SCN3A: variants seen among roughly 807,000 people sequenced by gnomAD.
SCN3A encodes the protein sodium channel protein type 3 subunit alpha.
In SCN3A, 60 loss-of-function variants were observed where a neutral mutation model predicts 187.6. The observed-to-expected ratio is 0.32, with a 90% CI of 0.26 to 0.40. The LOEUF (loss-of-function observed/expected upper bound fraction) is 0.40, where lower values mean the gene tolerates loss of function less well. Ranked by LOEUF, SCN3A falls within the 10% of genes least tolerant of loss-of-function variation. SCN3A has a pLI of 1.00. For synonymous variants in SCN3A, 788 were observed against 829.2 expected (o/e 0.95, Z 0.85); for missense variants, 1,601 against 2,428.2 (o/e 0.66, Z 7.16).
chr2:165,180,748 G>A (rs566144959), intron 2 of SCN3A, among the ~76,000 whole-genome samples: 2 of 152,224 alleles, frequency 1.3e-5, no homozygotes, highest in South Asian at 2.1e-4. Flanking sequence ...TACTACACAC[G>A]AAAGTATGCC....
chr2:165,159,959 G>C (rs985333416), intron 9 of SCN3A, among the ~76,000 whole-genome samples: 1 of 127,620 alleles, frequency 7.8e-6, no homozygotes, highest in African/African-American at 3.4e-5. Flanking sequence ...GTGAAACCTG[G>C]TATCTATTAA....
intron 22 of SCN3A, among the ~76,000 whole-genome samples, chr2:165,099,945 T>C (rs773044929): frequency 2.0e-5 from 3 of 152,172 alleles, no homozygotes; most frequent in East Asian, 1.9e-4. Flanking sequence ...AATCAAACTA[T>C]TGAGAGAAAG....
chr2:165,180,423 GGA>G (rs1027235615), intron 2 of SCN3A, among the ~76,000 whole-genome samples: 2 of 152,130 alleles, frequency 1.3e-5, no homozygotes, highest in African/African-American at 4.8e-5. Flanking sequence ...CCCAGGGAAG[GGA>G]GAGAGAGGTA....
At chr2:165,177,288 C>G (rs904415040) in intron 2 of SCN3A, among the ~76,000 whole-genome samples, 2 of 152,124 alleles carry the variant, frequency 1.3e-5, no homozygotes, top group African/African-American at 4.8e-5. Context: ...ACTGTCCGTT[C>G]TAAACCCTGG....
chr2:165,198,991 C>G (rs1212014948), intron 1 of SCN3A, among the ~76,000 whole-genome samples: 3 of 151,910 alleles, frequency 2.0e-5, no homozygotes, highest in Non-Finnish European at 4.4e-5. Context: ...GACTCTAGAC[C>G]AGAAGCGCAA....
At chr2:165,156,942 G>A (rs1360271497) in intron 9 of SCN3A, among the ~76,000 whole-genome samples, 4 of 151,592 alleles carry the variant, frequency 2.6e-5, no homozygotes, top group South Asian at 2.1e-4. Context: ...ATGTAGTCTC[G>A]TTCTGTCGCC....
rs1422727169 is a variant in SCN3A at position 165,134,507 on chromosome 2, C to T, written c.2392-3090G>A. 2.0e-5 allele frequency among the ~76,000 whole-genome samples: 3 copies of T among 152,030 alleles called. No individual in the cohort carries two copies. In the East Asian group the frequency reaches 5.8e-4, roughly 29 times the overall value. On this transcript the variant is annotated intron_variant, in intron 15 of 27. Coordinates refer to ENST00000283254, the MANE Select transcript of SCN3A (RefSeq NM_006922.4). ...CAGCTAACACTTCATTTTTTCCAAT[C>T]ACAGATGGGAAATACCCATCACAGA...
chr2:165,174,715 G>A (rs1319656537), intron 3 of SCN3A, among the ~76,000 whole-genome samples: 1 of 151,592 alleles, frequency 6.6e-6, no homozygotes, highest in Non-Finnish European at 1.5e-5. Context: ...TTTCTTGGGG[G>A]GTGACTTATT....
At chr2:165,110,577 C>T (rs1686065612) in intron 21 of SCN3A, among the ~76,000 whole-genome samples, 1 of 152,024 alleles carries the variant, frequency 6.6e-6, no homozygotes, top group African/African-American at 2.4e-5. Flanking sequence ...TCTTTAAGTC[C>T]ATTTTATTTG....
At chr2:165,152,825 A>C (rs1361259667) in intron 11 of SCN3A, among the ~76,000 whole-genome samples, 1 of 152,130 alleles carries the variant, frequency 6.6e-6, no homozygotes, top group African/African-American at 2.4e-5. Flanking sequence ...AATGTAAATG[A>C]CGAGTTAATG....
intron 11 of SCN3A, among the ~76,000 whole-genome samples, chr2:165,153,283 C>T (rs1688805525): frequency 6.6e-6 from 1 of 151,928 alleles, no homozygotes; most frequent in African/African-American, 2.4e-5. Flanking sequence ...ATATGTTATA[C>T]AAAAATTAAC....
rs1231889480 is a variant in SCN3A at position 165,096,480 on chromosome 2, A to G, written c.4280T>C (p.Val1427Ala). Residue 1427 changes from valine to alanine, a missense_variant, in exon 24 of 28, where the codon GTT (valine) becomes GCT (alanine). Val to Ala is a moderately conservative substitution (Grantham distance 64). Transcript: ENST00000283254. ...AGTGATACTTACATCTCGTGAATCA[A>G]CAGCTGCATACATAATATCCATCCA... ...KGWMDIMYAA[V>A]DSRDVKLQPV... The G allele has an allele frequency of 6.2e-7, 1 of 1,610,804 alleles. No individual in the cohort carries two copies. Among genetic ancestry groups the G allele is most frequent in the South Asian group, 1.1e-5 (1 of 90,972 alleles).
chr2:165,150,523 A>G (rs1431325307), intron 11 of SCN3A, among the ~76,000 whole-genome samples: 1 of 152,180 alleles, frequency 6.6e-6, no homozygotes, highest in African/African-American at 2.4e-5. Flanking sequence ...CCTTGGATAA[A>G]TTTAAATTTT....
intron 11 of SCN3A, among the ~76,000 whole-genome samples, chr2:165,151,848 C>G (rs1297877141): frequency 6.6e-6 from 1 of 152,130 alleles, no homozygotes; most frequent in Non-Finnish European, 1.5e-5. Context: ...GAGAACACCA[C>G]CTGGCAATCA....
At chr2:165,196,415 G>A (rs1433377637) in intron 1 of SCN3A, among the ~76,000 whole-genome samples, 1 of 152,040 alleles carries the variant, frequency 6.6e-6, no homozygotes, top group African/African-American at 2.4e-5. Context: ...TACTGACCAC[G>A]TTGGCAGAAT....
chr2:165,131,496 A>T, intron 15 of SCN3A, 79 bp from the exon 16 acceptor site: 8 of 962,652 alleles, frequency 8.3e-6, no homozygotes, highest in South Asian at 2.1e-5. Flanking sequence ...AAGAACATTA[A>T]CAGGAATAAA....
chr2:165,153,629 G>A (rs962416308), intron 11 of SCN3A, among the ~76,000 whole-genome samples: 1 of 151,886 alleles, frequency 6.6e-6, no homozygotes, highest in South Asian at 2.1e-4. Flanking sequence ...AACAGAAAAA[G>A]GTGCTCAACA....
At chr2:165,155,059 G>A (rs1688935436) in intron 10 of SCN3A, among the ~76,000 whole-genome samples, 1 of 152,046 alleles carries the variant, frequency 6.6e-6, no homozygotes, top group African/African-American at 2.4e-5. Flanking sequence ...TCCCCTTCTA[G>A]TCTCAGTTAA....
At position 165,092,300 on chromosome 2, in the gene SCN3A, T is replaced by C. The variant is rs573641796; in HGVS notation, c.4761A>G (p.Ile1587Met). 3.3e-5 allele frequency: 53 copies of C among 1,613,864 alleles called. No individual in the cohort carries two copies. Among genetic ancestry groups the C allele is most frequent in the Non-Finnish European group, 4.1e-5 (48 of 1,179,930 alleles). Residue 1587 changes from isoleucine (I) to methionine (M), a missense_variant, in exon 27 of 28, where the codon ATA (isoleucine) becomes ATG (methionine). By Grantham distance (10) the Ile-to-Met change is conservative. Transcript: ENST00000283254. The surrounding 1 kb of genome is among the most constrained non-coding windows in gnomAD (Gnocchi z 4.2). ...CCACAAAGTCAAAGATGTTCCAGCC[T>C]ATAGTGAAGTAGTAGTGTCTGAGGG... ...LVSLRHYYFT[I>M]GWNIFDFVVV...
Sources: allele counts gnomAD v4.1 joint callset (sites outside exome capture counted in the v4.1 genomes callset), GRCh38; gene constraint gnomAD v4.1.1; non-coding constraint Gnocchi (gnomAD v3.1); transcripts MANE v1.5; gene names NCBI Gene and HGNC (gene_info 2026-07-23, HGNC 2026-07-21).